The following POLD3 variants were observed in gnomAD, a reference collection of about 807,000 sequenced individuals.
POLD3 encodes DNA polymerase delta 3, accessory subunit, also known as DNA polymerase delta subunit 3.
A neutral mutation model predicts 58.2 loss-of-function variants in POLD3; 19 were observed. The ratio of observed to expected loss-of-function variants is 0.33; its 90% CI spans 0.23 to 0.48. The LOEUF (loss-of-function observed/expected upper bound fraction) is 0.48, where lower values mean the gene tolerates loss of function less well. POLD3 is among the 20% of genes least tolerant of loss of function. The pLI, the probability that POLD3 is intolerant of heterozygous loss-of-function variation, is 0.99. For synonymous variants in POLD3, 172 were observed against 193.5 expected, an observed-to-expected ratio of 0.89 and a Z score of 0.92; for missense variants, 504 against 545.5, an observed-to-expected ratio of 0.92 and a Z score of 0.76.
At chr11:74,622,810 G>A (rs188354676) in intron 7 of POLD3, among the ~76,000 whole-genome samples, 3 of 150,018 alleles carry the variant, frequency 2.0e-5, no homozygotes, top group Admixed American at 1.3e-4. Flanking sequence ...TAAACATAGA[G>A]TTTACCCAGC....
At chr11:74,644,589 G>T (rs1273431681), downstream of POLD3, among the ~76,000 whole-genome samples, 1 of 152,190 alleles carries the variant, frequency 6.6e-6, no homozygotes, top group Non-Finnish European at 1.5e-5. Context: ...ACCACCCACA[G>T]ATTACCACCC....
chr11:74,615,117 A>G (rs2135143529), intron 5 of POLD3, among the ~76,000 whole-genome samples: 1 of 152,354 alleles, frequency 6.6e-6, no homozygotes, highest in African/African-American at 2.4e-5. Flanking sequence ...CCAAAGTACT[A>G]GTTGTCTGAC....
chr11:74,602,959 C>T (rs1020086599), intron 2 of POLD3, among the ~76,000 whole-genome samples: 2 of 152,208 alleles, frequency 1.3e-5, no homozygotes, highest in African/African-American at 4.8e-5. Flanking sequence ...ATGAGGCCTT[C>T]CCTAATCACC....
intron 5 of POLD3, among the ~76,000 whole-genome samples, chr11:74,617,149 T>TA (rs35665046): frequency 0.27 from 40,898 of 152,098 alleles, 5,906 homozygotes; most frequent in South Asian, 0.43. Flanking sequence ...TTGAGAAGGC[T>TA]AAATCAATTA....
intron 11 of POLD3, 24 bp downstream of exon 11, chr11:74,636,299 A>G: frequency 6.2e-7 from 1 of 1,610,274 alleles, no homozygotes; most frequent in Non-Finnish European, 8.5e-7. Flanking sequence ...TTGGCTCCAA[A>G]TCCAGAGATA....
chr11:74,637,470 A>G (rs2032784402), intron 11 of POLD3, among the ~76,000 whole-genome samples: 1 of 69,594 alleles, frequency 1.4e-5, no homozygotes, highest in East Asian at 3.8e-4. Flanking sequence ...GTCTTTTAAT[A>G]GTTGCCATTT....
chr11:74,648,967 G>A (rs1441677543), intron 4 of POLD3, among the ~76,000 whole-genome samples: 12 of 152,210 alleles, frequency 7.9e-5, no homozygotes, highest in Admixed American at 5.9e-4. Context: ...AGTATTAGGA[G>A]TGACTTCAAA....
chr11:74,634,760 T>A, intron 10 of POLD3, 65 bp downstream of exon 10: 1 of 896,020 alleles, frequency 1.1e-6, no homozygotes, highest in Non-Finnish European at 1.9e-6. Context: ...CTACAACCAC[T>A]ATGCTAAATT....
chr11:74,608,283 T>TTTTTTA (rs2031765830), intron 3 of POLD3, among the ~76,000 whole-genome samples: 1 of 152,150 alleles, frequency 6.6e-6, no homozygotes, highest in Admixed American at 6.5e-5. Flanking sequence ...GCCCAGCTTA[T>TTTTTTA]TTTTTATTTT....
chr11:74,632,905 C>T (rs1386122502), intron 9 of POLD3, among the ~76,000 whole-genome samples: 1 of 150,220 alleles, frequency 6.7e-6, no homozygotes, highest in Non-Finnish European at 1.5e-5. Flanking sequence ...CACACACACA[C>T]ACACACACAC....
chr11:74,650,676 C>T (rs2033057700), intron 4 of POLD3, among the ~76,000 whole-genome samples: 1 of 152,200 alleles, frequency 6.6e-6, no homozygotes. Context: ...TTGCATCATT[C>T]CTTAAGACCA....
At chr11:74,629,023 C>G (rs1309074639) in intron 8 of POLD3, 194 bp from the exon 9 acceptor site, 4 of 399,694 alleles carry the variant, frequency 1.0e-5, no homozygotes, top group Non-Finnish European at 1.8e-5. Flanking sequence ...TTATTCAAGT[C>G]ACCTCATGAA....
chr11:74,640,334 A>G (rs905550600), intron 11 of POLD3, among the ~76,000 whole-genome samples: 1 of 152,200 alleles, frequency 6.6e-6, no homozygotes. Flanking sequence ...TGAGGGAGAA[A>G]AGTGAACGTT....
At position 74,642,168 on chromosome 11, in the gene POLD3, T is replaced by C; in HGVS notation, c.*1402T>C. 3 of 985,468 alleles carry C rather than the reference T, an allele frequency of 3.0e-6. No homozygotes were observed. Among genetic ancestry groups the C allele is most frequent in the Non-Finnish European group, 3.6e-6 (3 of 829,948 alleles). The allele number at this position is 985,468 out of a possible 1,614,324, so 61.0% of individuals were successfully genotyped here. On this transcript the variant is annotated 3_prime_UTR_variant, in exon 12 of 12. Coordinates refer to ENST00000263681, the MANE Select transcript of POLD3 (RefSeq NM_006591.3). ...TTTTAAGGTTGGGATTGTGCTGACTTTGGGATTAACATGAGCTTCTTTAGC... is the reference window on the plus strand; with the variant it reads ...TTTTAAGGTTGGGATTGTGCTGACTCTGGGATTAACATGAGCTTCTTTAGC...
chr11:74,657,950 A>AT (rs1358520884), intron 4 of POLD3, among the ~76,000 whole-genome samples: 3 of 152,150 alleles, frequency 2.0e-5, no homozygotes, highest in Admixed American at 6.5e-5. Context: ...GACTTTAAAT[A>AT]TGTCATGCCA....
intron 8 of POLD3, among the ~76,000 whole-genome samples, chr11:74,628,245 T>G (rs1418643736): frequency 6.6e-6 from 1 of 152,128 alleles, no homozygotes; most frequent in Non-Finnish European, 1.5e-5. Flanking sequence ...TATTTTTCTG[T>G]TTTCAAAATG....
At chr11:74,608,822 G>T (rs2031785208) in intron 3 of POLD3, among the ~76,000 whole-genome samples, 1 of 152,140 alleles carries the variant, frequency 6.6e-6, no homozygotes, top group East Asian at 1.9e-4. Context: ...GTAATTTTTA[G>T]TGTGCAGTTT....
chr11:74,593,982 T>C, intron 1 of POLD3, 79 bp from the exon 2 acceptor site: 1 of 767,662 alleles, frequency 1.3e-6, no homozygotes, highest in Non-Finnish European at 2.3e-6. Context: ...AATAGGAATC[T>C]TTAGCAACAG....
At chr11:74,631,210 TCAGCCAGAAGTTAGAAAAGGAA>T (rs1336985267) in intron 9 of POLD3, among the ~76,000 whole-genome samples, 1 of 152,252 alleles carries the variant, frequency 6.6e-6, no homozygotes, top group Non-Finnish European at 1.5e-5. Context: ...TATGCTGTCT[TCAGCCAGAAGTTAGAAAAGGAA>T]CAGCAGGAGT....
Sources: allele counts gnomAD v4.1 joint callset (sites outside exome capture counted in the v4.1 genomes callset), GRCh38; gene constraint gnomAD v4.1.1; transcripts MANE v1.5; gene names NCBI Gene and HGNC (gene_info 2026-07-23, HGNC 2026-07-21).